Variants in ZNF366 observed in about 807,000 individuals in gnomAD.
ZNF366 encodes the protein dendritic cell-specific transcript protein.
ZNF366 carries 20 observed loss-of-function variants against 47.2 expected under a neutral mutation model. The ratio of observed to expected loss-of-function variants is 0.42; its 90% CI spans 0.30 to 0.62. The LOEUF (loss-of-function observed/expected upper bound fraction) is 0.62. ZNF366 is among the 20% of genes least tolerant of loss of function. ZNF366 has a pLI of 0.16. For synonymous variants in ZNF366, 421 were observed against 395.1 expected (o/e 1.07, Z -0.78); for missense variants, 987 against 976.3 (o/e 1.01, Z -0.15).
At chr5:72,496,909 C>T (rs1349822041) in intron 1 of ZNF366, among the ~76,000 whole-genome samples, 5 of 152,024 alleles carry the variant, frequency 3.3e-5, no homozygotes, top group Non-Finnish European at 7.4e-5. Context: ...CTTTGATGTG[C>T]TGATTTGCCA....
In ZNF366 at chr5:72,460,408, G is replaced by A. The variant is rs149552547; in HGVS notation, c.1089C>T (p.Arg363=). Reference sequence around the variant, plus strand: ...GGCCGCACTCCACACAGATGTTCTCGCGCCCACTGGCGTGCTTGGCTTCGT... The same window carrying A: ...GGCCGCACTCCACACAGATGTTCTCACGCCCACTGGCGTGCTTGGCTTCGT... ...KAHEAKHASG[R]ENICVECGLD... is the part of the protein sequence containing the mutation. Residue 363 remains arginine (R), a synonymous_variant, in exon 2 of 5, where the codon CGC becomes CGT. Transcript: ENST00000318442. 38 of 1,614,092 alleles carry A rather than the reference G, an allele frequency of 2.4e-5. No individual in the cohort carries two copies. The highest frequency in any genetic ancestry group is 3.0e-5 in the Non-Finnish European group (35 of 1,180,046).
At position 72,448,404 on chromosome 5, in the gene ZNF366, T is replaced by A. The variant is rs576456720; in HGVS notation, c.1525-987A>T. The stretch of plus-strand genomic sequence containing the variant: ...CTTTCTTCTCACAGGTGATTTTGTA[T>A]ATGCAGAAAGCGCAACCCAGAAGCA... On this transcript the variant is annotated intron_variant, in intron 3 of 4. Transcript: ENST00000318442. Among the ~76,000 whole-genome samples, 56 of 152,330 alleles carry A rather than the reference T, an allele frequency of 3.7e-4. No homozygotes were observed. In the South Asian group the frequency reaches 0.012, roughly 32 times the overall value.
chr5:72,456,240 C>T (rs774052749), intron 3 of ZNF366, among the ~76,000 whole-genome samples, 164 bp downstream of exon 3: 4 of 152,134 alleles, frequency 2.6e-5, no homozygotes, highest in Non-Finnish European at 5.9e-5. Context: ...GTAAGTGGGG[C>T]GTGCAGAGAG....
intron 1 of ZNF366, among the ~76,000 whole-genome samples, chr5:72,492,353 T>G (rs776891589): frequency 5.9e-5 from 9 of 152,224 alleles, no homozygotes; most frequent in Non-Finnish European, 1.0e-4. Flanking sequence ...GAGCACTAGC[T>G]GCTATCATCA....
At chr5:72,474,094 T>C (rs1298253861) in intron 1 of ZNF366, among the ~76,000 whole-genome samples, 1 of 152,236 alleles carries the variant, frequency 6.6e-6, no homozygotes, top group African/African-American at 2.4e-5. Flanking sequence ...ATTATCATTA[T>C]GGCTTATTTA....
At position 72,458,305 on chromosome 5, in the gene ZNF366, C is replaced by T. The variant is rs143767521; in HGVS notation, c.1333-1710G>A. ...TGCTGGGATTACAGGCGTGAGCCAC[C>T]GCGCCCGGCCAGCATCTTTCTTCTC... is the stretch of plus-strand genomic sequence containing the variant. On this transcript the variant is annotated intron_variant, in intron 2 of 4. Coordinates refer to ENST00000318442, the MANE Select transcript of ZNF366 (RefSeq NM_152625.3). Among the ~76,000 whole-genome samples, 596 of 152,262 alleles carry T rather than the reference C, an allele frequency of 3.9e-3. 5 individuals carry two copies. Among genetic ancestry groups the T allele is most frequent in the Non-Finnish European group, 5.3e-3 (360 of 68,008 alleles).
chr5:72,467,142 A>C (rs1263398220), intron 1 of ZNF366, among the ~76,000 whole-genome samples: 2 of 152,228 alleles, frequency 1.3e-5, no homozygotes, highest in Non-Finnish European at 2.9e-5. Flanking sequence ...CTTTAGAATA[A>C]TCATACATTT....
At chr5:72,492,713 G>T (rs1679972925) in intron 1 of ZNF366, among the ~76,000 whole-genome samples, 1 of 152,194 alleles carries the variant, frequency 6.6e-6, no homozygotes. Flanking sequence ...TAAACATTGA[G>T]CCTGCTATGA....
chr5:72,506,666 G>A (rs1744323498), intron 1 of ZNF366, among the ~76,000 whole-genome samples: 2 of 152,116 alleles, frequency 1.3e-5, no homozygotes, highest in Non-Finnish European at 1.5e-5. Flanking sequence ...AACCCGCATG[G>A]GGAACCTGAA....
intron 1 of ZNF366, among the ~76,000 whole-genome samples, chr5:72,497,990 A>AT (rs1386734296): frequency 2.0e-5 from 3 of 151,616 alleles, no homozygotes; most frequent in African/African-American, 2.4e-5. Flanking sequence ...TGCTTCCTCC[A>AT]TTTTTTGTTT....
rs567574262 is a variant in ZNF366 at position 72,462,247 on chromosome 5, C to G, written c.-14-737G>C. On this transcript the variant is annotated intron_variant, in intron 1 of 4. Transcript: ENST00000318442. ...GCTCAATGTTATAAAGTCATCCTGG[C>G]AATGTACACATTCCACTCTTAAACC... Among the ~76,000 whole-genome samples, 5 of 152,278 alleles carry G rather than the reference C, an allele frequency of 3.3e-5. No homozygotes were observed. The East Asian group carries it at 9.6e-4, about 29-fold the overall frequency.
At chr5:72,493,998 C>T (rs1217484731) in intron 1 of ZNF366, among the ~76,000 whole-genome samples, 1 of 144,514 alleles carries the variant, frequency 6.9e-6, no homozygotes, top group African/African-American at 2.5e-5. Flanking sequence ...GTCTCGAACT[C>T]CTGACCTTAT....
intron 1 of ZNF366, among the ~76,000 whole-genome samples, chr5:72,481,185 AC>A (rs1203191186): frequency 6.6e-6 from 1 of 152,158 alleles, no homozygotes; most frequent in Non-Finnish European, 1.5e-5. Context: ...TAAGCTGGCT[AC>A]TGATCAGATA....
At chr5:72,474,757 C>T (rs1743639627) in intron 1 of ZNF366, among the ~76,000 whole-genome samples, 1 of 152,024 alleles carries the variant, frequency 6.6e-6, no homozygotes, top group African/African-American at 2.4e-5. Flanking sequence ...AGGGGGTTCC[C>T]TTCAAAGATA....
intron 1 of ZNF366, 75 bp from the exon 2 acceptor site, chr5:72,461,585 T>C: frequency 6.7e-7 from 1 of 1,490,066 alleles, no homozygotes; most frequent in East Asian, 2.3e-5. Context: ...GGATTATGGC[T>C]ATTTATCAGT....
chr5:72,472,128 G>A (rs1743579298), intron 1 of ZNF366, among the ~76,000 whole-genome samples: 1 of 152,200 alleles, frequency 6.6e-6, no homozygotes, highest in Non-Finnish European at 1.5e-5. Context: ...TTCTGTGTCT[G>A]CACTATGCTG....
chr5:72,471,965 C>A (rs1229273483), intron 1 of ZNF366, among the ~76,000 whole-genome samples: 1 of 152,184 alleles, frequency 6.6e-6, no homozygotes, highest in Non-Finnish European at 1.5e-5. Flanking sequence ...TTTGGATGCT[C>A]CTGTCAGACT....
intron 1 of ZNF366, among the ~76,000 whole-genome samples, chr5:72,468,187 G>A (rs749110459): frequency 4.6e-5 from 7 of 152,210 alleles, no homozygotes; most frequent in Non-Finnish European, 8.8e-5. Context: ...GGTCTCAAAA[G>A]ATAGCTGGCA....
At chr5:72,504,607 G>A (rs1324247684) in intron 1 of ZNF366, among the ~76,000 whole-genome samples, 1 of 152,136 alleles carries the variant, frequency 6.6e-6, no homozygotes, top group Non-Finnish European at 1.5e-5. Context: ...CACTCAGTGT[G>A]TGCCCAACTC....
Sources: gnomAD v4.1 joint callset for allele counts (sites outside exome capture counted in the v4.1 genomes callset) on GRCh38, gnomAD v4.1.1 for gene constraint, MANE v1.5 for transcripts, NCBI Gene and HGNC (gene_info 2026-07-23, HGNC 2026-07-21) for gene names.